SNRPD3: variants seen among roughly 807,000 people sequenced by gnomAD.
SNRPD3 encodes small nuclear ribonucleoprotein Sm D3.
For synonymous variants in SNRPD3, 66 were observed against 58.4 expected (o/e 1.13, Z -0.59); for missense variants, 73 against 167.5 (o/e 0.44, Z 3.11).
chr22:24,562,044 T>C (rs1039394249), intron 2 of SNRPD3, among the ~76,000 whole-genome samples: 4 of 151,846 alleles, frequency 2.6e-5, no homozygotes, highest in Admixed American at 2.6e-4. Flanking sequence ...AAAAGATAAA[T>C]AGAGGATCTC....
At chr22:24,570,724 C>T (rs996808964) in intron 3 of SNRPD3, among the ~76,000 whole-genome samples, 3 of 151,944 alleles carry the variant, frequency 2.0e-5, no homozygotes, top group Non-Finnish European at 2.9e-5. Context: ...AGCCTGTCTT[C>T]TCCTAGAACC....
At position 24,573,570 on chromosome 22, in the gene SNRPD3, T is replaced by C. The variant is rs1016118963; in HGVS notation, c.*1593T>C. Among the ~76,000 whole-genome samples the C allele has an allele frequency of 2.6e-5, 4 of 152,242 alleles. No individual in the cohort carries two copies. Among genetic ancestry groups the C allele is most frequent in the East Asian group, 3.9e-4 (2 of 5,160 alleles). On this transcript the variant is annotated 3_prime_UTR_variant, in exon 4 of 4. Transcript: ENST00000215829. Reference sequence around the variant, plus strand: ...GCATCAGTGAGTTGGTCAGATACAATAGACGTTTAAAATAGGGCTTCAGGC... The same window carrying C: ...GCATCAGTGAGTTGGTCAGATACAACAGACGTTTAAAATAGGGCTTCAGGC...
chr22:24,564,540 G>A lies in SNRPD3; in HGVS notation c.127-3444G>A, dbSNP rs181077328. On this transcript the variant is annotated intron_variant, in intron 2 of 3. Coordinates refer to ENST00000215829, the MANE Select transcript of SNRPD3 (RefSeq NM_004175.5). ...GGCATGTGTGCAGTGAGACTGTGGGGTTTTGTCCACAGCAAGCTGTTCTTA... is the reference window on the plus strand; with the variant it reads ...GGCATGTGTGCAGTGAGACTGTGGGATTTTGTCCACAGCAAGCTGTTCTTA... Among the ~76,000 whole-genome samples, 19 of 152,348 alleles carry A rather than the reference G, an allele frequency of 1.2e-4. 1 individual carries two copies. The East Asian group carries it at 3.5e-3, about 28-fold the overall frequency.
At chr22:24,567,127 C>G (rs1457314625) in intron 2 of SNRPD3, among the ~76,000 whole-genome samples, 2 of 152,186 alleles carry the variant, frequency 1.3e-5, no homozygotes, top group East Asian at 1.9e-4. Context: ...TTCTCAGTCC[C>G]TAGTCACTCA....
intron 3 of SNRPD3, among the ~76,000 whole-genome samples, chr22:24,569,107 C>T (rs2045225502): frequency 1.3e-5 from 2 of 152,072 alleles, no homozygotes; most frequent in Non-Finnish European, 2.9e-5. Context: ...TGAGCTGACT[C>T]GAGTGTGAGG....
At position 24,572,378 on chromosome 22, in the gene SNRPD3, A is replaced by G. The variant is rs999679610; in HGVS notation, c.*401A>G. 55 of 519,886 alleles carry G rather than the reference A, an allele frequency of 1.1e-4. No homozygotes were observed. Among genetic ancestry groups the G allele is most frequent in the African/African-American group, 9.5e-4 (50 of 52,428 alleles). 32.2% of individuals were successfully genotyped at this position (519,886 alleles called of 1,614,324 possible). On this transcript the variant is annotated 3_prime_UTR_variant, in exon 4 of 4. Transcript: ENST00000215829. The stretch of plus-strand genomic sequence containing the variant: ...CTCATTCATCTTCAGACACAGGCAC[A>G]TAGTGTGGCACTTTGTTCAGTTAAC...
At chr22:24,561,086 T>C (rs2045138870) in intron 2 of SNRPD3, among the ~76,000 whole-genome samples, 3 of 139,316 alleles carry the variant, frequency 2.2e-5, no homozygotes, top group Non-Finnish European at 4.6e-5. Context: ...TTTTTTTTTT[T>C]TTTGAGATTA....
At chr22:24,561,759 T>C (rs1337634896) in intron 2 of SNRPD3, among the ~76,000 whole-genome samples, 1 of 152,160 alleles carries the variant, frequency 6.6e-6, no homozygotes, top group Non-Finnish European at 1.5e-5. Context: ...TCCCAACACT[T>C]TGAGAGGCTG....
chr22:24,569,350 T>G (rs2045227437), intron 3 of SNRPD3, among the ~76,000 whole-genome samples: 1 of 152,250 alleles, frequency 6.6e-6, no homozygotes, highest in African/African-American at 2.4e-5. Flanking sequence ...AAAGTAATTG[T>G]GGCCCTTGGA....
intron 2 of SNRPD3, among the ~76,000 whole-genome samples, chr22:24,567,425 A>G (rs773413640): frequency 6.6e-6 from 1 of 152,134 alleles, no homozygotes; most frequent in Non-Finnish European, 1.5e-5. Context: ...ACCTGGGATA[A>G]CTGCTTTGGT....
At position 24,557,666 on chromosome 22, in the gene SNRPD3, C is replaced by A. The variant is rs775785578; in HGVS notation, c.-9C>A. 1 of 1,611,828 alleles carries A rather than the reference C, an allele frequency of 6.2e-7. No individual in the cohort carries two copies. On this transcript the variant is annotated 5_prime_UTR_variant, in exon 2 of 4. Coordinates refer to ENST00000215829, the MANE Select transcript of SNRPD3 (RefSeq NM_004175.5). The stretch of plus-strand genomic sequence containing the variant: ...GTCTCTCTCATTGTAGAACTCTCTT[C>A]CTGCCAAGATGTCTATTGGTGTGCC...
chr22:24,563,131 G>A (rs1319993743), intron 2 of SNRPD3, among the ~76,000 whole-genome samples: 8 of 152,022 alleles, frequency 5.3e-5, no homozygotes, highest in Admixed American at 4.6e-4. Flanking sequence ...ACTTTGGGAG[G>A]CTGGGCCAGG....
chr22:24,559,418 A>G (rs2045111381), intron 2 of SNRPD3, among the ~76,000 whole-genome samples: 2 of 152,204 alleles, frequency 1.3e-5, no homozygotes, highest in African/African-American at 4.8e-5. Context: ...AGGAGAATGC[A>G]AGACTTGGGT....
chr22:24,564,200 C>A (rs894173697), intron 2 of SNRPD3, among the ~76,000 whole-genome samples: 8 of 152,172 alleles, frequency 5.3e-5, no homozygotes, highest in African/African-American at 1.2e-4. Context: ...CTAAAGAATG[C>A]ATTTCTGGTG....
rs547806717 is a variant in SNRPD3 at position 24,560,617 on chromosome 22, A to G, written c.126+2817A>G. Among the ~76,000 whole-genome samples, 14 of 148,352 alleles carry G rather than the reference A, an allele frequency of 9.4e-5. No homozygotes were observed. The East Asian group carries it at 2.8e-3, about 30-fold the overall frequency. On this transcript the variant is annotated intron_variant, in intron 2 of 3. Coordinates refer to ENST00000215829, the MANE Select transcript of SNRPD3 (RefSeq NM_004175.5). ...CTAGTTTTTCGTATTTTTAGTAGAGATAGGGTTTCCCCATGTTGCCCAGGC... is the reference window on the plus strand; with the variant it reads ...CTAGTTTTTCGTATTTTTAGTAGAGGTAGGGTTTCCCCATGTTGCCCAGGC...
chr22:24,569,325 T>C (rs1601571254), intron 3 of SNRPD3, among the ~76,000 whole-genome samples: 1 of 152,234 alleles, frequency 6.6e-6, no homozygotes, highest in Non-Finnish European at 1.5e-5. Context: ...AGTTCTGTCA[T>C]GTTGATTAGA....
At chr22:24,562,669 G>T (rs1018417691) in intron 2 of SNRPD3, among the ~76,000 whole-genome samples, 1 of 152,150 alleles carries the variant, frequency 6.6e-6, no homozygotes, top group Admixed American at 6.5e-5. Flanking sequence ...AGCTCTGGTC[G>T]CACCACTGCA....
In SNRPD3 at chr22:24,567,899, T is replaced by C. The variant is rs2045211550; in HGVS notation, c.127-85T>C. The C allele has an allele frequency of 4.8e-6, 5 of 1,037,998 alleles. No individual in the cohort carries two copies. In the East Asian group the frequency reaches 9.5e-5, roughly 20 times the overall value. The allele number at this position is 1,037,998 out of a possible 1,614,324, so 64.3% of individuals were successfully genotyped here. A position where few individuals can be genotyped will look rare whatever the true frequency, so the allele number is the denominator to read the frequency against. On this transcript the variant is annotated intron_variant, in intron 2 of 3. Coordinates refer to ENST00000215829, the MANE Select transcript of SNRPD3 (RefSeq NM_004175.5). ...TTGTCACAATGTCAGTCTGCTTTTC[T>C]GGACTTCCCCCTCCCACCAGTCAAG...
chr22:24,556,577 C>T (rs1307644491), intron 1 of SNRPD3, among the ~76,000 whole-genome samples: 2 of 152,218 alleles, frequency 1.3e-5, no homozygotes, highest in East Asian at 3.8e-4. Context: ...TCCCCTCATG[C>T]TTTCCACACT....
Sources: allele counts gnomAD v4.1 joint callset (sites outside exome capture counted in the v4.1 genomes callset), GRCh38; gene constraint gnomAD v4.1.1; transcripts MANE v1.5; gene names NCBI Gene and HGNC (gene_info 2026-07-23, HGNC 2026-07-21).